The following GALNT17 variants were observed in gnomAD, a reference collection of about 807,000 sequenced individuals.
GALNT17 encodes the protein UDP-GalNAc:polypeptide N-acetylgalactosaminyltransferase-like 3.
A neutral mutation model predicts 63.7 loss-of-function variants in GALNT17; 29 were observed. The observed-to-expected ratio is 0.46, with a 90% CI of 0.34 to 0.62. GALNT17 has a LOEUF of 0.62. GALNT17 is among the 20% of genes least tolerant of loss of function. The probability of loss-of-function intolerance (pLI) is 0.01; values close to 1 mark genes in which losing one functional copy is unlikely to be tolerated. For synonymous variants in GALNT17, 305 were observed against 318.3 expected, an observed-to-expected ratio of 0.96 and a Z score of 0.45; for missense variants, 603 against 799.6, an observed-to-expected ratio of 0.75 and a Z score of 2.97.
chr7:71,149,515 A>G (rs900275594), intron 1 of GALNT17, among the ~76,000 whole-genome samples: 5 of 152,076 alleles, frequency 3.3e-5, no homozygotes, highest in East Asian at 1.9e-4. Flanking sequence ...GATGCTGTCA[A>G]CTAGGATCAG....
At chr7:71,315,964 G>C (rs973201718) in intron 1 of GALNT17, among the ~76,000 whole-genome samples, 9 of 152,240 alleles carry the variant, frequency 5.9e-5, no homozygotes, top group African/African-American at 2.2e-4. Flanking sequence ...GAGCTGGGTA[G>C]GTCTGTCAAC....
At chr7:71,502,579 T>C (rs1006568593) in intron 5 of GALNT17, among the ~76,000 whole-genome samples, 4 of 152,150 alleles carry the variant, frequency 2.6e-5, no homozygotes, top group African/African-American at 9.7e-5. Context: ...AAAGCCACCA[T>C]GCTGGGAAGA....
At chr7:71,499,179 G>T (rs138898959) in intron 5 of GALNT17, among the ~76,000 whole-genome samples, 7 of 152,138 alleles carry the variant, frequency 4.6e-5, no homozygotes, top group Non-Finnish European at 7.4e-5. Flanking sequence ...TTCTCAGACC[G>T]TCATCCCCTT....
chr7:71,485,923 T>A (rs773018996), intron 5 of GALNT17, among the ~76,000 whole-genome samples: 1 of 152,232 alleles, frequency 6.6e-6, no homozygotes, highest in Non-Finnish European at 1.5e-5. Context: ...ATTGTTACGT[T>A]TCTCTGATTG....
chr7:71,496,514 A>T (rs1788096070), intron 5 of GALNT17, among the ~76,000 whole-genome samples: 1 of 152,178 alleles, frequency 6.6e-6, no homozygotes, highest in Admixed American at 6.5e-5. Flanking sequence ...CTCCGCACAG[A>T]CATCGTCCAG....
chr7:71,558,242 A>G (rs1242754854), intron 5 of GALNT17, among the ~76,000 whole-genome samples: 1 of 152,162 alleles, frequency 6.6e-6, no homozygotes, highest in Non-Finnish European at 1.5e-5. Flanking sequence ...GTGGGTACTT[A>G]TAAACAAAGT....
At chr7:71,354,031 GC>G (rs1482043964) in intron 2 of GALNT17, among the ~76,000 whole-genome samples, 1 of 151,992 alleles carries the variant, frequency 6.6e-6, no homozygotes, top group East Asian at 1.9e-4. Flanking sequence ...AGAAGGAGGT[GC>G]TACACACTTT....
intron 6 of GALNT17, among the ~76,000 whole-genome samples, chr7:71,593,723 C>T (rs1383981381): frequency 6.6e-6 from 1 of 152,140 alleles, no homozygotes; most frequent in Non-Finnish European, 1.5e-5. Flanking sequence ...ATTCCCTTCC[C>T]TTTTGAAAAT....
At chr7:71,528,781 A>G (rs1189221009) in intron 5 of GALNT17, among the ~76,000 whole-genome samples, 1 of 152,164 alleles carries the variant, frequency 6.6e-6, no homozygotes, top group Non-Finnish European at 1.5e-5. Context: ...GATTGAAATA[A>G]AGTAAAAACA....
intron 5 of GALNT17, among the ~76,000 whole-genome samples, chr7:71,452,468 A>T (rs948100531): frequency 4.5e-4 from 69 of 151,782 alleles, no homozygotes; most frequent in African/African-American, 1.6e-3. Context: ...ATTGGCTTGA[A>T]CTTGGGAGGC....
chr7:71,372,812 C>A (rs7792469), intron 2 of GALNT17, among the ~76,000 whole-genome samples: 1 of 151,920 alleles, frequency 6.6e-6, no homozygotes. Context: ...TAGCATACAA[C>A]GATGCTTTGG....
chr7:71,599,238 C>T (rs1789931012), intron 6 of GALNT17, among the ~76,000 whole-genome samples: 2 of 152,314 alleles, frequency 1.3e-5, no homozygotes, highest in African/African-American at 4.8e-5. Flanking sequence ...TGGTTAGGGA[C>T]AGAGCCTAAG....
At chr7:71,374,381 G>C (rs1212009037) in intron 2 of GALNT17, among the ~76,000 whole-genome samples, 4 of 152,222 alleles carry the variant, frequency 2.6e-5, no homozygotes, top group African/African-American at 9.7e-5. Context: ...AGCCAGAACG[G>C]CTGGGCTCAC....
intron 1 of GALNT17, among the ~76,000 whole-genome samples, chr7:71,224,575 G>A (rs1430939415): frequency 1.3e-5 from 2 of 152,140 alleles, no homozygotes; most frequent in East Asian, 1.9e-4. Context: ...TGTAAACCAC[G>A]TGGTATATCC....
At position 71,132,601 on chromosome 7, in the gene GALNT17, T is replaced by C. The variant is rs1299360688; in HGVS notation, c.-202T>C. 9 of 557,790 alleles carry C rather than the reference T, an allele frequency of 1.6e-5. No individual in the cohort carries two copies. The highest frequency in any genetic ancestry group is 1.6e-5 in the Non-Finnish European group (5 of 316,678). 34.6% of individuals were successfully genotyped at this position (557,790 alleles called of 1,614,324 possible). A position where few individuals can be genotyped will look rare whatever the true frequency, so the allele number is the denominator to read the frequency against. Reference sequence around the variant, plus strand: ...CACTTCTGCAGAGCGAGGACTTCCATGTGAGCGATTCCGTTCTCCCCACCA... The same window carrying C: ...CACTTCTGCAGAGCGAGGACTTCCACGTGAGCGATTCCGTTCTCCCCACCA... On this transcript the variant is annotated 5_prime_UTR_variant, in exon 1 of 11. An upstream start codon of the reference 5' UTR is lost. Transcript: ENST00000333538.
chr7:71,347,019 G>A (rs1175064781), intron 2 of GALNT17, among the ~76,000 whole-genome samples: 2 of 151,978 alleles, frequency 1.3e-5, no homozygotes, highest in African/African-American at 2.4e-5. Flanking sequence ...AGTTTATACC[G>A]AGGAGGAACG....
chr7:71,218,633 C>T (rs1011444310), intron 1 of GALNT17, among the ~76,000 whole-genome samples: 3 of 152,020 alleles, frequency 2.0e-5, no homozygotes, highest in Admixed American at 6.6e-5. Context: ...TGGTGGCAAG[C>T]GATCGAAGCT....
intron 2 of GALNT17, among the ~76,000 whole-genome samples, chr7:71,379,125 GC>G (rs1792797884): frequency 6.6e-6 from 1 of 152,172 alleles, no homozygotes; most frequent in South Asian, 2.1e-4. Context: ...AAGGAGAAGT[GC>G]CTGATACCAG....
chr7:71,510,438 T>C (rs777212046), intron 5 of GALNT17, among the ~76,000 whole-genome samples: 8 of 152,054 alleles, frequency 5.3e-5, no homozygotes, highest in Non-Finnish European at 1.0e-4. Context: ...TTTGCTGAGG[T>C]TTTTGTCCAC....
Sources: allele counts gnomAD v4.1 joint callset (sites outside exome capture counted in the v4.1 genomes callset), GRCh38; gene constraint gnomAD v4.1.1; transcripts MANE v1.5; gene names NCBI Gene and HGNC (gene_info 2026-07-23, HGNC 2026-07-21).